The following SUGCT variants were observed in gnomAD, a reference collection of about 807,000 sequenced individuals.
SUGCT encodes succinyl-CoA:glutarate CoA-transferase.
SUGCT carries 41 observed loss-of-function variants against 55.0 expected under a neutral mutation model. That is an observed-to-expected ratio of 0.74 (90% CI 0.58 to 0.97). SUGCT has a LOEUF of 0.97. Ranked by LOEUF, SUGCT falls within the 50% of genes least tolerant of loss-of-function variation. The probability of loss-of-function intolerance (pLI) is 0.00; values close to 1 mark genes in which losing one functional copy is unlikely to be tolerated. For missense variants in SUGCT, 568 were observed against 547.8 expected (o/e 1.04, Z -0.37); for synonymous variants, 187 against 200.4 (o/e 0.93, Z 0.56).
chr7:40,212,212 GT>G (rs1327230326), intron 6 of SUGCT, among the ~76,000 whole-genome samples: 5 of 150,956 alleles, frequency 3.3e-5, no homozygotes, highest in Admixed American at 6.6e-5. Context: ...GGTCTCCCAA[GT>G]TTGTCAATTC....
At position 40,612,580 on chromosome 7, in the gene SUGCT, A is replaced by G. The variant is rs548174479; in HGVS notation, c.1089+116194A>G. Among the ~76,000 whole-genome samples the G allele has an allele frequency of 1.1e-3, 168 of 152,318 alleles. 6 individuals are homozygous for G. Among genetic ancestry groups the G allele is most frequent in the Middle Eastern group, 3.4e-3 (1 of 294 alleles). ...CTGGAGTCAGCCTTCCTAGATTGGA[A>G]TAGCATCACCCTCCTTCCTTGATAG... On this transcript the variant is annotated intron_variant, in intron 12 of 13. Coordinates refer to ENST00000335693, the MANE Select transcript of SUGCT (RefSeq NM_001193313.2).
the SUGCT span, among the ~76,000 whole-genome samples, chr7:40,874,877 G>C: frequency 2.0e-5 from 3 of 152,220 alleles, no homozygotes; most frequent in Admixed American, 2.0e-4. Flanking sequence ...ATACATGGGA[G>C]AAATTGAAGC....
rs1351017837 is a variant in SUGCT at position 40,231,961 on chromosome 7, T to A, written c.485-5674T>A. Among the ~76,000 whole-genome samples the A allele has an allele frequency of 3.9e-5, 6 of 152,076 alleles. No homozygotes were observed. The East Asian group carries it at 1.2e-3, about 29-fold the overall frequency. On this transcript the variant is annotated intron_variant, in intron 6 of 13. Transcript: ENST00000335693. ...CAAACAATTTTAAAAATTAGCTGGA[T>A]GTGGTGGTGCATGCCTGTGGTCACA...
Position 40,331,054 on chromosome 7 carries a change from T to C in SUGCT, c.816+14199T>C, listed in dbSNP as rs1272437463. ...ACATAAAATACAGCAACACCAAAGA[T>C]AGCTGATGAGCTAAACAAGAAAATC... On this transcript the variant is annotated intron_variant, in intron 9 of 13. Coordinates refer to ENST00000335693, the MANE Select transcript of SUGCT (RefSeq NM_001193313.2). Among the ~76,000 whole-genome samples the C allele has an allele frequency of 4.6e-5, 7 of 152,002 alleles. No homozygotes were observed. The East Asian group carries it at 1.4e-3, about 29-fold the overall frequency.
chr7:40,673,069 T>C (rs1000613933), intron 12 of SUGCT, among the ~76,000 whole-genome samples: 2 of 152,224 alleles, frequency 1.3e-5, no homozygotes, highest in Non-Finnish European at 2.9e-5. Context: ...AATATTTAGA[T>C]CTCTATCAAT....
At chr7:40,903,551 T>C in the SUGCT span, among the ~76,000 whole-genome samples, 26 of 152,326 alleles carry the variant, frequency 1.7e-4, no homozygotes, top group South Asian at 3.3e-3. Context: ...AAGTCACTTC[T>C]GGCTCTGAAA....
At chr7:40,977,172 T>C in the SUGCT span, among the ~76,000 whole-genome samples, 1 of 152,160 alleles carries the variant, frequency 6.6e-6, no homozygotes, top group South Asian at 2.1e-4. Flanking sequence ...CGTGAATGGG[T>C]TTCCTCATTC....
intron 12 of SUGCT, among the ~76,000 whole-genome samples, chr7:40,636,957 T>C (rs78199740): frequency 0.027 from 4,109 of 152,222 alleles, 166 homozygotes; most frequent in African/African-American, 0.095. Flanking sequence ...GAAGGAAATA[T>C]TACTAGTGAA....
At chr7:40,780,538 G>A (rs903176421) in intron 13 of SUGCT, among the ~76,000 whole-genome samples, 1 of 152,168 alleles carries the variant, frequency 6.6e-6, no homozygotes, top group Non-Finnish European at 1.5e-5. Flanking sequence ...AGGGGCTAGG[G>A]CCACATAACC....
chr7:40,605,508 T>C (rs1798480813), intron 12 of SUGCT, among the ~76,000 whole-genome samples: 1 of 152,242 alleles, frequency 6.6e-6, no homozygotes, highest in African/African-American at 2.4e-5. Flanking sequence ...TGGATTTGAT[T>C]CATTCATTTA....
At chr7:40,472,001 A>G (rs1472882160) in intron 11 of SUGCT, among the ~76,000 whole-genome samples, 1 of 152,132 alleles carries the variant, frequency 6.6e-6, no homozygotes, top group Non-Finnish European at 1.5e-5. Flanking sequence ...TGGCTGAAAC[A>G]TGTTTTTCTC....
At chr7:40,541,457 C>G (rs1794674609) in intron 12 of SUGCT, among the ~76,000 whole-genome samples, 1 of 152,142 alleles carries the variant, frequency 6.6e-6, no homozygotes, top group Non-Finnish European at 1.5e-5. Context: ...CTATATTGGT[C>G]AGATATGAAC....
At chr7:40,179,651 C>A (rs561953418) in intron 1 of SUGCT, among the ~76,000 whole-genome samples, 174 of 152,304 alleles carry the variant, frequency 1.1e-3, no homozygotes, top group African/African-American at 4.1e-3. Flanking sequence ...AGTGGCTTGG[C>A]TCGGCCTGGG....
intron 13 of SUGCT, among the ~76,000 whole-genome samples, chr7:40,839,429 C>A (rs1253623362): frequency 1.3e-5 from 2 of 152,146 alleles, no homozygotes; most frequent in Non-Finnish European, 2.9e-5. Flanking sequence ...GTTTTGAGAT[C>A]ATAAAATGAG....
chr7:41,031,603 A>G, the SUGCT span, among the ~76,000 whole-genome samples: 2 of 151,980 alleles, frequency 1.3e-5, no homozygotes. Context: ...ACCGTTGCCT[A>G]CCTCCTGTTG....
At chr7:40,719,627 G>A (rs1214667469) in intron 12 of SUGCT, among the ~76,000 whole-genome samples, 1 of 152,200 alleles carries the variant, frequency 6.6e-6, no homozygotes, top group Non-Finnish European at 1.5e-5. Context: ...AAAGCAGAAT[G>A]AGGTTGAGAA....
intron 12 of SUGCT, among the ~76,000 whole-genome samples, chr7:40,557,138 G>A (rs917362584): frequency 6.6e-5 from 10 of 152,146 alleles, no homozygotes; most frequent in Non-Finnish European, 7.3e-5. Flanking sequence ...AGACGGACAA[G>A]CATATATAGA....
At chr7:40,452,969 T>C (rs1459708227) in intron 10 of SUGCT, among the ~76,000 whole-genome samples, 1 of 152,218 alleles carries the variant, frequency 6.6e-6, no homozygotes, top group Non-Finnish European at 1.5e-5. Context: ...GGCAGTCAAC[T>C]TAACCAGCTT....
At chr7:40,135,492 A>G (rs1224302300) in intron 1 of SUGCT, among the ~76,000 whole-genome samples, 1 of 152,264 alleles carries the variant, frequency 6.6e-6, no homozygotes, top group African/African-American at 2.4e-5. Flanking sequence ...TGCTTTGAAT[A>G]ACTTGACACT....
Sources: allele counts gnomAD v4.1 joint callset (sites outside exome capture counted in the v4.1 genomes callset), GRCh38; gene constraint gnomAD v4.1.1; transcripts MANE v1.5; gene names NCBI Gene and HGNC (gene_info 2026-07-23, HGNC 2026-07-21).